The following GSE1 variants were observed in gnomAD, a reference collection of about 807,000 sequenced individuals.
GSE1 encodes Gse1 coiled-coil protein.
Under a neutral mutation model 112.6 loss-of-function variants are expected in GSE1, and 32 were observed. The ratio of observed to expected loss-of-function variants is 0.28; its 90% CI spans 0.21 to 0.38. The LOEUF (loss-of-function observed/expected upper bound fraction) is 0.38, where lower values mean the gene tolerates loss of function less well. Ranked by LOEUF, GSE1 falls within the 10% of genes least tolerant of loss-of-function variation. GSE1 has a pLI of 1.00. For synonymous variants in GSE1, 1,115 were observed against 735.6 expected (o/e 1.52, Z -8.35); for missense variants, 2,348 against 1,699.2 (o/e 1.38, Z -6.71).
intron 2 of GSE1, among the ~76,000 whole-genome samples, chr16:85,641,111 A>C (rs2050407629): frequency 6.6e-6 from 1 of 152,172 alleles, no homozygotes; most frequent in Admixed American, 6.5e-5. Context: ...CGTGGACATA[A>C]GGGTGATTTT....
chr16:85,480,647 C>T (rs1321768415), intron 2 of GSE1, among the ~76,000 whole-genome samples: 3 of 152,108 alleles, frequency 2.0e-5, no homozygotes, highest in Non-Finnish European at 4.4e-5. Flanking sequence ...GGAGACAGAG[C>T]AGGGACAATC....
intron 1 of GSE1, among the ~76,000 whole-genome samples, chr16:85,246,997 G>A (rs1451562030): frequency 6.6e-6 from 1 of 152,026 alleles, no homozygotes; most frequent in East Asian, 1.9e-4. Flanking sequence ...TCGGGGGTGG[G>A]GGTCCCTAGA....
chr16:85,675,414 T>G lies in GSE1; in HGVS notation c.*2875T>G, dbSNP rs1476783044. On this transcript the variant is annotated 3_prime_UTR_variant, in exon 16 of 16. Coordinates refer to ENST00000253458, the MANE Select transcript of GSE1 (RefSeq NM_014615.5). Reference sequence around the variant, plus strand: ...CAGACTGACATGATAAAATATCATGTTCCTAATCTGTTGTCTCAGATAAGT... The same window carrying G: ...CAGACTGACATGATAAAATATCATGGTCCTAATCTGTTGTCTCAGATAAGT... 2 of 152,246 alleles carry G rather than the reference T, an allele frequency of 1.3e-5. No homozygotes were observed. The highest frequency in any genetic ancestry group is 4.8e-5 in the African/African-American group (2 of 41,458). 9.4% of individuals were successfully genotyped at this position (152,246 alleles called of 1,614,324 possible). A position where few individuals can be genotyped will look rare whatever the true frequency, so the allele number is the denominator to read the frequency against.
chr16:85,278,218 G>T (rs1460579523), intron 1 of GSE1, among the ~76,000 whole-genome samples: 1 of 152,146 alleles, frequency 6.6e-6, no homozygotes, highest in African/African-American at 2.4e-5. Flanking sequence ...GGGGGCGGGG[G>T]TGCTGTCCTC....
At chr16:85,203,002 C>T (rs2075056321) in intron 1 of GSE1, among the ~76,000 whole-genome samples, 1 of 150,988 alleles carries the variant, frequency 6.6e-6, no homozygotes. Flanking sequence ...TTCTCCCCCT[C>T]CTCCTTGGCC....
At chr16:85,609,358 C>T (rs922459989), upstream of GSE1, among the ~76,000 whole-genome samples, 3 of 152,222 alleles carry the variant, frequency 2.0e-5, no homozygotes, top group Non-Finnish European at 4.4e-5. Flanking sequence ...CTCAGTCTCG[C>T]GAGTAGCTGG....
intron 2 of GSE1, among the ~76,000 whole-genome samples, chr16:85,370,519 A>C (rs1472015152): frequency 6.6e-6 from 1 of 152,192 alleles, no homozygotes; most frequent in Admixed American, 6.5e-5. Flanking sequence ...CTAGGAGGGC[A>C]AAGGAGGCCC....
intron 1 of GSE1, among the ~76,000 whole-genome samples, chr16:85,578,493 G>T (rs1009558670): frequency 6.6e-6 from 1 of 152,032 alleles, no homozygotes; most frequent in East Asian, 1.9e-4. Flanking sequence ...TCCCTTTCCC[G>T]ACTTTCTCTG....
At chr16:85,204,576 G>A (rs1191958827) in intron 1 of GSE1, among the ~76,000 whole-genome samples, 1 of 152,218 alleles carries the variant, frequency 6.6e-6, no homozygotes, top group African/African-American at 2.4e-5. Context: ...CACCTCACCA[G>A]CACTTCTTGT....
intron 2 of GSE1, among the ~76,000 whole-genome samples, chr16:85,390,749 C>G (rs1239568069): frequency 6.9e-6 from 1 of 145,118 alleles, no homozygotes; most frequent in Non-Finnish European, 1.5e-5. Context: ...GAGCCTGGCC[C>G]CAGCCCGAAC....
At chr16:85,393,589 T>C (rs887043224) in intron 2 of GSE1, among the ~76,000 whole-genome samples, 13 of 152,232 alleles carry the variant, frequency 8.5e-5, no homozygotes, top group African/African-American at 2.9e-4. Context: ...CAGAGACTAC[T>C]ACTGAGTCCC....
In GSE1 at chr16:85,448,917, C is replaced by G. The variant is rs137990937; in HGVS notation, c.2464+91274C>G. Among the ~76,000 whole-genome samples, 384 of 152,344 alleles carry G rather than the reference C, an allele frequency of 2.5e-3. 1 individual carries two copies. Among genetic ancestry groups the G allele is most frequent in the African/African-American group, 8.9e-3 (368 of 41,578 alleles). Reference sequence around the variant, plus strand: ...TTGGGTCAGAAAGGCAATTTCTCATCTCTACGCGCAGCAATTGAGTCGAAA... The same window carrying G: ...TTGGGTCAGAAAGGCAATTTCTCATGTCTACGCGCAGCAATTGAGTCGAAA... On this transcript the variant is annotated intron_variant, in intron 2 of 2. Coordinates refer to the GSE1 transcript ENST00000637419.
At chr16:85,264,475 C>G (rs1908030043) in intron 1 of GSE1, among the ~76,000 whole-genome samples, 1 of 152,088 alleles carries the variant, frequency 6.6e-6, no homozygotes, top group African/African-American at 2.4e-5. Flanking sequence ...TTGATTCCCC[C>G]AGCATCACCG....
chr16:85,560,637 C>T (rs1245578809), intron 1 of GSE1, among the ~76,000 whole-genome samples: 1 of 152,032 alleles, frequency 6.6e-6, no homozygotes, highest in African/African-American at 2.4e-5. Context: ...GTGGCCTCCA[C>T]CTTCCTGCAA....
chr16:85,633,221 C>T (rs1235478917), intron 1 of GSE1, among the ~76,000 whole-genome samples: 1 of 152,186 alleles, frequency 6.6e-6, no homozygotes, highest in East Asian at 1.9e-4. Flanking sequence ...CCGTGTTCTT[C>T]CCCACCGCTC....
At chr16:85,501,193 G>A (rs921397721) in intron 2 of GSE1, among the ~76,000 whole-genome samples, 1 of 151,122 alleles carries the variant, frequency 6.6e-6, no homozygotes, top group East Asian at 2.0e-4. Flanking sequence ...TAGTAGAGAC[G>A]GGCTTTCACC....
chr16:85,545,589 C>T (rs1187002236), intron 2 of GSE1, among the ~76,000 whole-genome samples: 1 of 152,110 alleles, frequency 6.6e-6, no homozygotes, highest in Non-Finnish European at 1.5e-5. Context: ...CAAGTCACTT[C>T]ACTTTTCTAG....
At chr16:85,309,964 C>T (rs951468721) in intron 1 of GSE1, among the ~76,000 whole-genome samples, 4 of 152,198 alleles carry the variant, frequency 2.6e-5, no homozygotes, top group East Asian at 1.9e-4. Flanking sequence ...GGAGAAGTGG[C>T]GGGGTCACGG....
rs1027408656 is a variant in GSE1, at chr16:85,656,681, T to C, written c.1312+16T>C. 1.6e-5 allele frequency: 24 copies of C among 1,477,572 alleles called. No homozygotes were observed. The highest frequency in any genetic ancestry group is 2.2e-5 in the Non-Finnish European group (24 of 1,116,262). The allele number at this position is 1,477,572 out of a possible 1,614,324, so 91.5% of individuals were successfully genotyped here. A position where few individuals can be genotyped will look rare whatever the true frequency, so the allele number is the denominator to read the frequency against. ...ACCCGAGCAGGTACCTGGGCGTGGG[T>C]GGGCTGTGCTGGGCAAGGTCTCAGC... On this transcript the variant is annotated intron_variant, in intron 7 of 15. Transcript: ENST00000253458.
Sources: gnomAD v4.1 joint callset for allele counts (sites outside exome capture counted in the v4.1 genomes callset) on GRCh38, gnomAD v4.1.1 for gene constraint, MANE v1.5 for transcripts, NCBI Gene and HGNC (gene_info 2026-07-23, HGNC 2026-07-21) for gene names.